PARD3B: variants seen among roughly 807,000 people sequenced by gnomAD.
The protein encoded by PARD3B is par-3 family cell polarity regulator beta.
In PARD3B, 103 loss-of-function variants were observed where a neutral mutation model predicts 130.2. The ratio of observed to expected loss-of-function variants is 0.79; its 90% CI spans 0.67 to 0.93. The LOEUF is 0.93. PARD3B is among the 40% of genes least tolerant of loss of function. PARD3B has a pLI of 0.00. For missense variants in PARD3B, 1,609 were observed against 1,499.2 expected (o/e 1.07, Z -1.21); for synonymous variants, 583 against 553.2 (o/e 1.05, Z -0.76).
At chr2:205,023,477 AAAG>A (rs1187334691) in intron 3 of PARD3B, among the ~76,000 whole-genome samples, 10 of 129,228 alleles carry the variant, frequency 7.7e-5, no homozygotes, top group Admixed American at 3.1e-4. Flanking sequence ...TTTTTTTGGT[AAAG>A]AAGCTACTTT....
chr2:204,576,318 C>T (rs2032257233), intron 1 of PARD3B, among the ~76,000 whole-genome samples: 1 of 152,180 alleles, frequency 6.6e-6, no homozygotes, highest in Non-Finnish European at 1.5e-5. Context: ...CGCAAGTACC[C>T]TGGGACACAA....
At chr2:205,256,170 C>T (rs2040073723) in intron 16 of PARD3B, among the ~76,000 whole-genome samples, 1 of 129,800 alleles carries the variant, frequency 7.7e-6, no homozygotes, top group Non-Finnish European at 1.7e-5. Context: ...CCTCAAAGAT[C>T]CCTCTCAGGA....
chr2:205,067,014 T>A (rs1437300277), intron 4 of PARD3B, among the ~76,000 whole-genome samples: 1 of 148,818 alleles, frequency 6.7e-6, no homozygotes, highest in Non-Finnish European at 1.5e-5. Context: ...GGAAGTAAGA[T>A]GAAATTATCT....
intron 16 of PARD3B, among the ~76,000 whole-genome samples, chr2:205,266,901 T>A (rs1202864230): frequency 1.3e-5 from 2 of 152,164 alleles, no homozygotes; most frequent in African/African-American, 4.8e-5. Context: ...GTTTTAGGGC[T>A]TGTTATTGAC....
At chr2:204,697,201 G>A (rs1015065428) in intron 2 of PARD3B, among the ~76,000 whole-genome samples, 4 of 152,066 alleles carry the variant, frequency 2.6e-5, no homozygotes, top group African/African-American at 4.8e-5. Flanking sequence ...ACCCATTGTG[G>A]TAAAATGACG....
intron 19 of PARD3B, among the ~76,000 whole-genome samples, chr2:205,412,836 C>T (rs776158269): frequency 1.3e-5 from 2 of 152,104 alleles, no homozygotes; most frequent in African/African-American, 2.4e-5. Flanking sequence ...CTCAAACTAC[C>T]TAAGTTGGAA....
At chr2:204,968,318 A>G (rs1691428268) in intron 3 of PARD3B, among the ~76,000 whole-genome samples, 1 of 152,182 alleles carries the variant, frequency 6.6e-6, no homozygotes, top group Non-Finnish European at 1.5e-5. Context: ...TATAATTTTT[A>G]TATTTCTTTT....
At position 205,078,300 on chromosome 2, in the gene PARD3B, AT is replaced by A. The variant is rs1701195230; in HGVS notation, c.505-26123del. 6.6e-6 allele frequency among the ~76,000 whole-genome samples: 1 copy of A among 152,166 alleles called. No homozygotes were observed. The highest frequency in any genetic ancestry group is 2.1e-4 in the South Asian group (1 of 4,832). ...TCCTTTTATTAGATGTGACAGAGCAATTTAGTATTGTAGGTTCACTCAATGG... is the reference window on the plus strand; with the variant it reads ...TCCTTTTATTAGATGTGACAGAGCAATTAGTATTGTAGGTTCACTCAATGG... On this transcript the variant is annotated intron_variant, in intron 4 of 22. Transcript: ENST00000406610. The surrounding 1 kb of genome is among the most constrained non-coding windows in gnomAD (Gnocchi z 4.0).
At position 205,067,255 on chromosome 2, in the gene PARD3B, C is replaced by T. The variant is rs529296942; in HGVS notation, c.504+19565C>T. Reference sequence around the variant, plus strand: ...TAGCTCACTGTAAGAAACTCAAATTCCTGGGTCCAAGCAGTCCTGCCTCAG... The same window carrying T: ...TAGCTCACTGTAAGAAACTCAAATTTCTGGGTCCAAGCAGTCCTGCCTCAG... On this transcript the variant is annotated intron_variant, in intron 4 of 22. Coordinates refer to ENST00000406610, the MANE Select transcript of PARD3B (RefSeq NM_001302769.2). Among the ~76,000 whole-genome samples the T allele has an allele frequency of 2.6e-5, 4 of 151,780 alleles. No homozygotes were observed. The East Asian group carries it at 5.8e-4, about 22-fold the overall frequency.
intron 10 of PARD3B, among the ~76,000 whole-genome samples, chr2:205,150,112 C>A (rs1206067623): frequency 6.6e-6 from 1 of 152,034 alleles, no homozygotes; most frequent in Non-Finnish European, 1.5e-5. Flanking sequence ...CTCTGGGAAT[C>A]TCAAGGACAG....
At chr2:205,410,306 C>A (rs1383383227) in intron 19 of PARD3B, among the ~76,000 whole-genome samples, 3 of 152,110 alleles carry the variant, frequency 2.0e-5, no homozygotes, top group Admixed American at 2.0e-4. Flanking sequence ...TTAAATACAG[C>A]AGTGGCAGAA....
chr2:204,964,901 A>G (rs1052956858), intron 2 of PARD3B, among the ~76,000 whole-genome samples: 1 of 152,176 alleles, frequency 6.6e-6, no homozygotes, highest in African/African-American at 2.4e-5. Context: ...AGAGTGGGCC[A>G]AAATTGGTTC....
chr2:204,981,133 C>T (rs182443676), intron 3 of PARD3B, among the ~76,000 whole-genome samples: 250 of 152,210 alleles, frequency 1.6e-3, no homozygotes, highest in Non-Finnish European at 2.8e-3. Flanking sequence ...AGTAACTAAA[C>T]CTCATACATT....
At chr2:205,428,220 C>CA (rs2047212259) in intron 19 of PARD3B, among the ~76,000 whole-genome samples, 2 of 152,044 alleles carry the variant, frequency 1.3e-5, no homozygotes, top group Non-Finnish European at 2.9e-5. Flanking sequence ...CCCATCTCTA[C>CA]AAAAAATTAC....
chr2:205,067,095 C>CATTTTTTTT, intron 4 of PARD3B, among the ~76,000 whole-genome samples: 1 of 59,722 alleles, frequency 1.7e-5, no homozygotes, highest in South Asian at 5.5e-4. Context: ...TTTTACTAGG[C>CATTTTTTTT]TTTTTTTTTT....
chr2:205,543,893 A>C (rs1314888566), intron 21 of PARD3B, among the ~76,000 whole-genome samples: 1 of 152,238 alleles, frequency 6.6e-6, no homozygotes, highest in African/African-American at 2.4e-5. Flanking sequence ...AAGTATACCT[A>C]AAATATGCTA....
At position 205,363,355 on chromosome 2, in the gene PARD3B, C is replaced by T. The variant is rs1474615632; in HGVS notation, c.2631-37658C>T. Among the ~76,000 whole-genome samples, 5 of 152,062 alleles carry T rather than the reference C, an allele frequency of 3.3e-5. No individual in the cohort carries two copies. In the South Asian group the frequency reaches 6.2e-4, roughly 19 times the overall value. ...CAGTGGAGAGGAGAGGGGCCTTACC[C>T]GCCAAATCCATAGGTTTTCCAAGAC... is the stretch of plus-strand genomic sequence containing the variant. On this transcript the variant is annotated intron_variant, in intron 18 of 22. Coordinates refer to ENST00000406610, the MANE Select transcript of PARD3B (RefSeq NM_001302769.2).
chr2:205,065,052 C>T (rs1700284860), intron 4 of PARD3B, among the ~76,000 whole-genome samples: 1 of 152,154 alleles, frequency 6.6e-6, no homozygotes, highest in Non-Finnish European at 1.5e-5. Flanking sequence ...ATTGCAGTCT[C>T]CAGTGTAATA....
At chr2:204,648,091 G>C (rs1322973358) in intron 1 of PARD3B, among the ~76,000 whole-genome samples, 1 of 151,624 alleles carries the variant, frequency 6.6e-6, no homozygotes, top group Non-Finnish European at 1.5e-5. Context: ...CTTCAAAGGA[G>C]TTATTTTTGA....
Sources: allele counts gnomAD v4.1 joint callset (sites outside exome capture counted in the v4.1 genomes callset), GRCh38; gene constraint gnomAD v4.1.1; non-coding constraint Gnocchi (gnomAD v3.1); transcripts MANE v1.5; gene names NCBI Gene and HGNC (gene_info 2026-07-23, HGNC 2026-07-21).